Variants in KRT86 observed in about 807,000 individuals in gnomAD.
KRT86 encodes the protein keratin 86, also known as keratin, type II cuticular Hb6.
Under a neutral mutation model 41.2 loss-of-function variants are expected in KRT86, and 30 were observed. That is an observed-to-expected ratio of 0.73 (90% CI 0.54 to 0.99). The LOEUF is 0.99. KRT86 is among the 50% of genes least tolerant of loss of function. The pLI, the probability that KRT86 is intolerant of heterozygous loss-of-function variation, is 0.00. For missense variants in KRT86, 561 were observed against 571.4 expected (o/e 0.98, Z 0.19); for synonymous variants, 238 against 238.1 (o/e 1.00, Z 0.00).
chr12:52,286,025 C>T (rs935577474), intron 2 of KRT86: 3 of 575,302 alleles, frequency 5.2e-6, no homozygotes, highest in African/African-American at 3.7e-5. Flanking sequence ...GCTCCTGAGG[C>T]CCCTTCCTAT....
intron 2 of KRT86, among the ~76,000 whole-genome samples, chr12:52,293,244 G>A (rs958029705): frequency 6.6e-6 from 1 of 152,076 alleles, no homozygotes; most frequent in Admixed American, 6.5e-5. Flanking sequence ...ATTATATATC[G>A]TAAATGATCT....
At position 52,308,484 on chromosome 12, in the gene KRT86, A is replaced by G. The variant is rs1330873641; in HGVS notation, c.1360A>G (p.Ser454Gly). The change falls in exon 11 of 11, where the codon AGT (serine) becomes GGT (glycine). Residue 454 changes from serine to glycine, a missense_variant. Ser to Gly is a moderately conservative substitution (Grantham distance 56, BLOSUM62 0). Transcript: ENST00000423955. ...TTAPVVSTRV[S>G]SVPSNSNVVV... The stretch of plus-strand genomic sequence containing the variant: ...TGCCCCTGTTGTCTCCACCAGAGTC[A>G]GTAGCGTCCCCAGCAACAGCAACGT... 2 of 1,610,280 alleles carry G rather than the reference A, an allele frequency of 1.2e-6. No homozygotes were observed. The highest frequency in any genetic ancestry group is 1.7e-6 in the Non-Finnish European group (2 of 1,179,912).
intron 2 of KRT86, chr12:52,279,148 C>T (rs1221881117): frequency 1.3e-5 from 2 of 152,238 alleles, no homozygotes; most frequent in Non-Finnish European, 2.9e-5. Context: ...GACGAGCGCC[C>T]CTGGCGGCGG....
chr12:52,287,608 A>G (rs753093739), intron 2 of KRT86: 10 of 1,613,764 alleles, frequency 6.2e-6, no homozygotes, highest in African/African-American at 4.0e-5. Context: ...GGCACTTGGC[A>G]TTCTCCACCT....
rs1592442552 is a variant in KRT86, at chr12:52,308,672, C to T, written c.*87C>T. ...CACCAGAACGCGCCGCCCGCGCCGGCCTCCCAATAGCCGCCGCCCGCTGCC... is the reference window on the plus strand; with the variant it reads ...CACCAGAACGCGCCGCCCGCGCCGGTCTCCCAATAGCCGCCGCCCGCTGCC... On this transcript the variant is annotated 3_prime_UTR_variant, in exon 11 of 11. Coordinates refer to ENST00000423955, the MANE Select transcript of KRT86 (RefSeq NM_001320198.2). The T allele has an allele frequency of 1.1e-5, 15 of 1,343,324 alleles. No individual in the cohort carries two copies. In the East Asian group the frequency reaches 3.4e-4, roughly 30 times the overall value. The allele number at this position is 1,343,324 out of a possible 1,614,324, so 83.2% of individuals were successfully genotyped here.
chr12:52,282,284 C>G lies in KRT86; in HGVS notation c.-5+6338C>G, dbSNP rs896538267. The stretch of plus-strand genomic sequence containing the variant: ...GCCTTGCTCTGTCGCCCAGGCTGGA[C>G]TGCAGTGGCGCAATCTTGGCTCACT... On this transcript the variant is annotated intron_variant, in intron 2 of 10. Transcript: ENST00000423955. 2.0e-5 allele frequency among the ~76,000 whole-genome samples: 3 copies of G among 150,312 alleles called. No homozygotes were observed. The Admixed American group carries it at 2.0e-4, about 10-fold the overall frequency.
chr12:52,299,840 C>A (rs555157613), intron 2 of KRT86, among the ~76,000 whole-genome samples: 1 of 152,148 alleles, frequency 6.6e-6, no homozygotes, highest in Non-Finnish European at 1.5e-5. Flanking sequence ...ATTGCAGCTA[C>A]GAATTCCTTG....
intron 2 of KRT86, among the ~76,000 whole-genome samples, chr12:52,283,123 C>T (rs1051727006): frequency 1.2e-4 from 18 of 152,222 alleles, no homozygotes; most frequent in South Asian, 4.1e-4. Context: ...TGACTGGGTG[C>T]GGTGGCTCAT....
At chr12:52,284,150 G>A (rs73307358) in intron 2 of KRT86, among the ~76,000 whole-genome samples, 1,658 of 152,282 alleles carry the variant, frequency 0.011, 31 homozygotes, top group African/African-American at 0.037. Context: ...TGAGTCTCAG[G>A]TCTGGACTCC....
At position 52,308,862 on chromosome 12, in the gene KRT86, T is replaced by TTA; in HGVS notation, c.*278_*279insAT. The TTA allele has an allele frequency of 2.0e-6, 1 of 496,576 alleles. No homozygotes were observed. 30.8% of individuals were successfully genotyped at this position (496,576 alleles called of 1,614,324 possible). ...TTTCTTCCGCCTGCCTTCTGTTTTT[T>TTA]TTGCTGTATACATTGGTCTTGCCTG... On this transcript the variant is annotated 3_prime_UTR_variant, in exon 11 of 11. Transcript: ENST00000423955.
In KRT86 at chr12:52,306,269, C is replaced by T. The variant is rs372174710; in HGVS notation, c.1236C>T (p.Gly412=). The T allele has an allele frequency of 4.0e-5, 64 of 1,613,346 alleles. No homozygotes were observed. The South Asian group carries it at 4.1e-4, about 10-fold the overall frequency. The stretch of plus-strand genomic sequence containing the variant: ...CCACCTACAGGCGCCTGCTGGAGGG[C>T]GAGGAGCAGAGGTGGGTCCCATAGA... ...EIATYRRLLE[G]EEQRLCEGVG... The change falls in exon 9 of 11, where the codon GGC becomes GGT. Residue 412 remains glycine (G), a synonymous_variant. Transcript: ENST00000423955.
intron 2 of KRT86, 112 bp from the exon 3 acceptor site, chr12:52,301,801 C>T (rs1938383637): frequency 6.2e-7 from 1 of 1,609,386 alleles, no homozygotes; most frequent in Non-Finnish European, 8.5e-7. Flanking sequence ...ACAGTCTCCC[C>T]ACTTATATAA....
At position 52,293,581 on chromosome 12, in the gene KRT86, C is replaced by T. The variant is rs533541396; in HGVS notation, c.-4-8332C>T. On this transcript the variant is annotated intron_variant, in intron 2 of 10. Transcript: ENST00000423955. ...TGAGGGGTCATTTAGGGACACACGG[C>T]GATGTGAGGCTACTTGGGGGCTGGG... 1.7e-4 allele frequency among the ~76,000 whole-genome samples: 26 copies of T among 152,066 alleles called. No individual in the cohort carries two copies. The South Asian group carries it at 2.5e-3, about 15-fold the overall frequency.
Position 52,305,236 on chromosome 12 carries a change from G to A in KRT86, c.736-4G>A. 6.2e-7 allele frequency: 1 copy of A among 1,614,230 alleles called. No individual in the cohort carries two copies. The highest frequency in any genetic ancestry group is 8.5e-7 in the Non-Finnish European group (1 of 1,180,038). On this transcript the variant is annotated splice_region_variant and splice_polypyrimidine_tract_variant and intron_variant, in intron 6 of 10. Coordinates refer to ENST00000423955, the MANE Select transcript of KRT86 (RefSeq NM_001320198.2). ...ACTAAAGTCACTGCCCTCACCTCCT[G>A]CAGGAGATCCGCGTTCTCCAGTCCC...
intron 9 of KRT86, 145 bp from the exon 10 acceptor site, chr12:52,308,088 A>T: frequency 9.6e-7 from 1 of 1,041,882 alleles, no homozygotes; most frequent in Non-Finnish European, 1.4e-6. Flanking sequence ...ACCCGAGTCT[A>T]CACTGGCTCC....
chr12:52,276,651 G>T (rs1942564840), intron 2 of KRT86, among the ~76,000 whole-genome samples: 1 of 152,200 alleles, frequency 6.6e-6, no homozygotes, highest in East Asian at 1.9e-4. Flanking sequence ...GTGGAACTGG[G>T]TACTCCTGAT....
chr12:52,297,991 T>G (rs1188430644), intron 2 of KRT86, among the ~76,000 whole-genome samples: 1 of 152,186 alleles, frequency 6.6e-6, no homozygotes, highest in Non-Finnish European at 1.5e-5. Context: ...GATGAGTGAG[T>G]GTGCCATCAT....
At chr12:52,282,712 T>A (rs1181192337) in intron 2 of KRT86, among the ~76,000 whole-genome samples, 2 of 152,186 alleles carry the variant, frequency 1.3e-5, no homozygotes, top group African/African-American at 4.8e-5. Context: ...CAGCAGCATC[T>A]GCCCATCACT....
At chr12:52,301,793 A>T in intron 2 of KRT86, 120 bp from the exon 3 acceptor site, 3 of 1,604,192 alleles carry the variant, frequency 1.9e-6, no homozygotes, top group Non-Finnish European at 2.6e-6. Context: ...ACGTGGTCAC[A>T]GTCTCCCCAC....
Sources: gnomAD v4.1 joint callset for allele counts (sites outside exome capture counted in the v4.1 genomes callset) on GRCh38, gnomAD v4.1.1 for gene constraint, MANE v1.5 for transcripts, NCBI Gene and HGNC (gene_info 2026-07-23, HGNC 2026-07-21) for gene names.